The following PRKCB variants were observed in gnomAD, a reference collection of about 807,000 sequenced individuals.
The protein encoded by PRKCB is protein kinase C beta type.
A neutral mutation model predicts 81.5 loss-of-function variants in PRKCB; 13 were observed. The observed-to-expected ratio is 0.16, with a 90% CI of 0.10 to 0.25. The LOEUF (loss-of-function observed/expected upper bound fraction) is 0.25, where lower values mean the gene tolerates loss of function less well. Among genes scored for constraint, PRKCB ranks in the 10% least tolerant of loss-of-function variants. The pLI, the probability that PRKCB is intolerant of heterozygous loss-of-function variation, is 1.00. For missense variants in PRKCB, 509 were observed against 875.7 expected (o/e 0.58, Z 5.29); for synonymous variants, 335 against 321.4 (o/e 1.04, Z -0.45).
chr16:23,880,569 T>C (rs975100851), intron 2 of PRKCB, among the ~76,000 whole-genome samples: 1 of 152,194 alleles, frequency 6.6e-6, no homozygotes, highest in African/African-American at 2.4e-5. Context: ...TCAAGCTTTG[T>C]ATTTTCTATT....
At chr16:23,845,130 C>T (rs535517087) in intron 2 of PRKCB, among the ~76,000 whole-genome samples, 5 of 152,198 alleles carry the variant, frequency 3.3e-5, no homozygotes. Flanking sequence ...GTGTCAAGTT[C>T]TATTTGTCAG....
At chr16:24,112,048 G>A (rs1440009617) in intron 7 of PRKCB, among the ~76,000 whole-genome samples, 1 of 152,180 alleles carries the variant, frequency 6.6e-6, no homozygotes, top group Non-Finnish European at 1.5e-5. Context: ...TTGACTCCAG[G>A]GCTTGTGCGC....
chr16:23,997,473 A>G (rs1484583794), intron 3 of PRKCB, among the ~76,000 whole-genome samples: 3 of 152,224 alleles, frequency 2.0e-5, no homozygotes, highest in African/African-American at 7.2e-5. Context: ...AATACAGAAT[A>G]GGTAATAGAA....
chr16:23,972,099 A>C (rs897379466), intron 2 of PRKCB, among the ~76,000 whole-genome samples: 1 of 152,250 alleles, frequency 6.6e-6, no homozygotes, highest in South Asian at 2.1e-4. Context: ...AATATTATTC[A>C]GCAGTAAAGA....
chr16:24,077,825 C>A (rs1966200087), intron 5 of PRKCB, among the ~76,000 whole-genome samples: 1 of 152,162 alleles, frequency 6.6e-6, no homozygotes, highest in Non-Finnish European at 1.5e-5. Context: ...TGAGAATGTG[C>A]CTCTCAGTTT....
At chr16:24,157,685 G>A (rs868495203) in intron 10 of PRKCB, among the ~76,000 whole-genome samples, 9 of 146,106 alleles carry the variant, frequency 6.2e-5, no homozygotes, top group East Asian at 2.1e-4. Context: ...TAATTGAATC[G>A]TGGGGGCAGT....
rs115645964 is a variant in PRKCB at position 24,035,531 on chromosome 16, C to T, written c.513C>T (p.Asp171=). 1,247 of 1,612,392 alleles carry T rather than the reference C, an allele frequency of 7.7e-4. 2 individuals are homozygous for T. The highest frequency in any genetic ancestry group is 9.6e-4 in the Non-Finnish European group (1,129 of 1,179,016). Reference sequence around the variant, plus strand: ...ACATCCAGGCCCACATCGACAGGGACGTCCTCATTGTCCTCGGTAGGTGGC... The same window carrying T: ...ACATCCAGGCCCACATCGACAGGGATGTCCTCATTGTCCTCGGTAGGTGGC... ...RIYIQAHIDR[D]VLIVLVRDAK... The change falls in exon 5 of 17, where the codon GAC becomes GAT. Residue 171 remains aspartate, a synonymous_variant. Coordinates refer to ENST00000643927, the MANE Select transcript of PRKCB (RefSeq NM_002738.7).
At chr16:24,010,740 G>A (rs532120399) in intron 3 of PRKCB, among the ~76,000 whole-genome samples, 3 of 152,270 alleles carry the variant, frequency 2.0e-5, no homozygotes, top group Non-Finnish European at 2.9e-5. Context: ...CAGGTTTTGG[G>A]AGGAAGATTC....
chr16:23,958,549 C>A (rs1964380984), intron 2 of PRKCB, among the ~76,000 whole-genome samples: 1 of 151,970 alleles, frequency 6.6e-6, no homozygotes, highest in African/African-American at 2.4e-5. Flanking sequence ...GTGATCCACC[C>A]ACCTCGGCCT....
chr16:24,078,317 C>T (rs996534010), intron 5 of PRKCB, among the ~76,000 whole-genome samples: 1 of 152,212 alleles, frequency 6.6e-6, no homozygotes, highest in African/African-American at 2.4e-5. Flanking sequence ...GGGTGGGGCC[C>T]CATGGCACGC....
chr16:24,212,383 C>T (rs1234069540), intron 16 of PRKCB, among the ~76,000 whole-genome samples: 1 of 145,520 alleles, frequency 6.9e-6, no homozygotes, highest in Admixed American at 6.8e-5. Context: ...TCTCTTTCCA[C>T]TCCCCATATT....
intron 2 of PRKCB, among the ~76,000 whole-genome samples, chr16:23,960,925 G>T (rs1483068664): frequency 2.0e-5 from 3 of 152,222 alleles, no homozygotes. Context: ...CCTCCTTGTG[G>T]CAATGCCACT....
At chr16:24,163,001 T>C (rs1967285792) in intron 10 of PRKCB, among the ~76,000 whole-genome samples, 1 of 152,236 alleles carries the variant, frequency 6.6e-6, no homozygotes, top group Non-Finnish European at 1.5e-5. Context: ...TCTTTGTTTC[T>C]CACTGCTCCT....
chr16:23,854,629 G>A (rs767230263), intron 2 of PRKCB, among the ~76,000 whole-genome samples: 1 of 152,174 alleles, frequency 6.6e-6, no homozygotes, highest in Non-Finnish European at 1.5e-5. Flanking sequence ...TTGAAGCCAA[G>A]GCTCAGAACA....
intron 2 of PRKCB, among the ~76,000 whole-genome samples, chr16:23,897,713 A>G (rs185060569): frequency 6.6e-6 from 1 of 152,294 alleles, no homozygotes; most frequent in Admixed American, 6.5e-5. Context: ...TTTAGCTGTG[A>G]AATGCGGAGA....
At chr16:24,185,827 C>A (rs746858660) in intron 15 of PRKCB, among the ~76,000 whole-genome samples, 1 of 152,172 alleles carries the variant, frequency 6.6e-6, no homozygotes, top group Non-Finnish European at 1.5e-5. Context: ...TGAACCAGCA[C>A]AGGGGAATGC....
chr16:24,108,419 A>T (rs6497724), intron 7 of PRKCB, among the ~76,000 whole-genome samples: 24,755 of 139,908 alleles, frequency 0.18, 3,687 homozygotes, highest in African/African-American at 0.45. Context: ...TGGCAGGGTC[A>T]TAGGACAATA....
intron 16 of PRKCB, among the ~76,000 whole-genome samples, chr16:24,198,914 A>G (rs999983548): frequency 6.6e-6 from 1 of 152,126 alleles, no homozygotes; most frequent in South Asian, 2.1e-4. Context: ...AGACATCACT[A>G]CAATGCTCAT....
At chr16:23,995,766 C>T (rs1419395018) in intron 3 of PRKCB, among the ~76,000 whole-genome samples, 2 of 152,234 alleles carry the variant, frequency 1.3e-5, no homozygotes, top group African/African-American at 2.4e-5. Context: ...TCTTGCTACC[C>T]TGCCTTCTCT....
Sources: gnomAD v4.1 joint callset for allele counts (sites outside exome capture counted in the v4.1 genomes callset) on GRCh38, gnomAD v4.1.1 for gene constraint, MANE v1.5 for transcripts, NCBI Gene and HGNC (gene_info 2026-07-23, HGNC 2026-07-21) for gene names.